IL34: variants seen among roughly 807,000 people sequenced by gnomAD.
IL34 encodes interleukin 34.
Under a neutral mutation model 25.3 loss-of-function variants are expected in IL34, and 17 were observed. That is an observed-to-expected ratio of 0.67 (90% CI 0.46 to 1.01). The LOEUF (loss-of-function observed/expected upper bound fraction) is 1.01, where lower values mean the gene tolerates loss of function less well. Among genes scored for constraint, IL34 ranks in the 50% least tolerant of loss-of-function variants. The pLI is 0.00. For synonymous variants in IL34, 174 were observed against 140.9 expected (o/e 1.23, Z -1.66); for missense variants, 368 against 312.9 (o/e 1.18, Z -1.33).
intron 1 of IL34, among the ~76,000 whole-genome samples, chr16:70,616,923 C>T (rs1331780158): frequency 3.4e-4 from 52 of 152,008 alleles, no homozygotes; most frequent in Non-Finnish European, 1.0e-4. Flanking sequence ...ACATTCCTGC[C>T]GCCTTATATT....
chr16:70,643,506 G>C (rs1321827182), upstream of IL34, among the ~76,000 whole-genome samples: 1 of 152,178 alleles, frequency 6.6e-6, no homozygotes, highest in Non-Finnish European at 1.5e-5. Context: ...AAGTAGCTGG[G>C]ACCACAGGCC....
intron 1 of IL34, among the ~76,000 whole-genome samples, chr16:70,613,068 C>T (rs899773017): frequency 6.6e-6 from 1 of 152,166 alleles, no homozygotes; most frequent in African/African-American, 2.4e-5. Flanking sequence ...CCACTGTGCC[C>T]GGCCTCAGAC....
At chr16:70,644,869 G>C (rs906428981), upstream of IL34, among the ~76,000 whole-genome samples, 1 of 142,902 alleles carries the variant, frequency 7.0e-6, no homozygotes, top group Admixed American at 7.0e-5. Flanking sequence ...AGAGGAGGAA[G>C]TAGGAAGAGG....
chr16:70,644,504 T>A (rs137913432), upstream of IL34, among the ~76,000 whole-genome samples: 631 of 152,244 alleles, frequency 4.1e-3, 4 homozygotes, highest in African/African-American at 0.014. Context: ...GTATCTTGAT[T>A]ATTATAGTAA....
chr16:70,659,984 CTA>C lies in IL34; in HGVS notation c.539-11_539-10del, dbSNP rs771592770. ...CTGCTGCAGTCTTTTTTTTTTTCCCCTATCTCTTGCAGGTAAACAAAGCTCCG... is the reference window on the plus strand; with the variant it reads ...CTGCTGCAGTCTTTTTTTTTTTCCCCTCTCTTGCAGGTAAACAAAGCTCCG... On this transcript the variant is annotated splice_polypyrimidine_tract_variant and intron_variant, in intron 5 of 5. Coordinates refer to ENST00000288098, the MANE Select transcript of IL34 (RefSeq NM_001393494.1). 4.1e-4 allele frequency: 639 copies of C among 1,558,766 alleles called. 2 individuals carry two copies. The African/African-American group carries it at 8.0e-3, about 20-fold the overall frequency.
Position 70,603,659 on chromosome 16 carries a change from A to G in IL34, c.-401+23610A>G, listed in dbSNP as rs567474659. ...ATGATCTTGGCTCACTGTAGCCTCA[A>G]TGTCCTGGGCTCAGATGATGATTCT... On this transcript the variant is annotated intron_variant, in intron 1 of 6. Coordinates refer to the IL34 transcript ENST00000429149. Among the ~76,000 whole-genome samples the G allele has an allele frequency of 3.7e-4, 57 of 152,146 alleles. 1 individual carries two copies. Among genetic ancestry groups the G allele is most frequent in the African/African-American group, 1.3e-3 (54 of 41,504 alleles).
intron 1 of IL34, 72 bp from the exon 2 acceptor site, chr16:70,654,466 G>T: frequency 1.3e-6 from 2 of 1,519,626 alleles, no homozygotes; most frequent in East Asian, 2.3e-5. Context: ...GGTTGTGCTC[G>T]GCTTTGCGTG....
At chr16:70,634,286 A>T (rs568430229) in intron 1 of IL34, among the ~76,000 whole-genome samples, 1 of 149,916 alleles carries the variant, frequency 6.7e-6, no homozygotes, top group Non-Finnish European at 1.5e-5. Context: ...TCCAGGTAAG[A>T]TATGAACTGG....
chr16:70,610,774 G>A (rs1234139602), intron 1 of IL34, among the ~76,000 whole-genome samples: 1 of 152,194 alleles, frequency 6.6e-6, no homozygotes, highest in Non-Finnish European at 1.5e-5. Context: ...TCCTCAGGGA[G>A]TAGCCGTCGG....
chr16:70,634,166 T>C (rs551944206), intron 1 of IL34, among the ~76,000 whole-genome samples: 59 of 152,130 alleles, frequency 3.9e-4, no homozygotes, highest in African/African-American at 1.3e-3. Context: ...TCTCTTCTTA[T>C]CAGGACACCA....
At chr16:70,632,118 A>G (rs112453247) in intron 1 of IL34, among the ~76,000 whole-genome samples, 4,199 of 150,622 alleles carry the variant, frequency 0.028, 236 homozygotes, top group African/African-American at 0.098. Context: ...AAAAAAAAAA[A>G]AGAGAAGATA....
At chr16:70,595,722 G>C (rs1403914627) in intron 1 of IL34, among the ~76,000 whole-genome samples, 1 of 152,036 alleles carries the variant, frequency 6.6e-6, no homozygotes, top group African/African-American at 2.4e-5. Flanking sequence ...GCTGCCATAA[G>C]AAAATCCGGC....
intron 1 of IL34, among the ~76,000 whole-genome samples, chr16:70,619,791 G>A (rs992848618): frequency 2.0e-5 from 3 of 152,048 alleles, no homozygotes; most frequent in African/African-American, 7.2e-5. Flanking sequence ...AGAGTTCCAG[G>A]GGCTCTGGGA....
intron 1 of IL34, among the ~76,000 whole-genome samples, chr16:70,622,537 G>A (rs2051304420): frequency 1.3e-5 from 2 of 151,948 alleles, no homozygotes; most frequent in Admixed American, 1.3e-4. Flanking sequence ...TAGGCCTGGT[G>A]GAACTGCCAT....
chr16:70,623,289 A>G (rs908206835), intron 1 of IL34, among the ~76,000 whole-genome samples: 2 of 152,060 alleles, frequency 1.3e-5, no homozygotes, highest in Non-Finnish European at 2.9e-5. Flanking sequence ...GATCCAGAAC[A>G]TAATAATGGA....
chr16:70,599,789 T>C (rs1372237045), intron 1 of IL34, among the ~76,000 whole-genome samples: 1 of 151,546 alleles, frequency 6.6e-6, no homozygotes, highest in Non-Finnish European at 1.5e-5. Context: ...ATCCTCCTAC[T>C]TTAGCCTCCC....
rs1184413880 is a variant in IL34, at chr16:70,622,831, A to G, written c.-400-23717A>G. Among the ~76,000 whole-genome samples the G allele has an allele frequency of 3.2e-4, 49 of 152,054 alleles. 1 individual carries two copies. The highest frequency in any genetic ancestry group is 7.4e-5 in the Non-Finnish European group (5 of 67,996). On this transcript the variant is annotated intron_variant, in intron 1 of 6. Transcript: ENST00000429149. ...GAAATGTAGAGAGTGAGTTGAGCATAGTTTGCGATTTTTAGGGCCTCTAAA... is the reference window on the plus strand; with the variant it reads ...GAAATGTAGAGAGTGAGTTGAGCATGGTTTGCGATTTTTAGGGCCTCTAAA...
At chr16:70,659,567 T>G in intron 4 of IL34, 51 bp from the exon 5 acceptor site, 1 of 1,558,930 alleles carries the variant, frequency 6.4e-7, no homozygotes, top group Middle Eastern at 2.3e-4. Flanking sequence ...ACGGCTCTCC[T>G]GGGGTGCGGC....
intron 1 of IL34, among the ~76,000 whole-genome samples, chr16:70,610,272 G>T (rs544650902): frequency 1.6e-4 from 24 of 152,072 alleles, no homozygotes; most frequent in Non-Finnish European, 2.9e-4. Context: ...AGAGGAGGGA[G>T]GAATCAAAGG....
Sources: allele counts gnomAD v4.1 joint callset (sites outside exome capture counted in the v4.1 genomes callset), GRCh38; gene constraint gnomAD v4.1.1; transcripts MANE v1.5; gene names NCBI Gene and HGNC (gene_info 2026-07-23, HGNC 2026-07-21).